The following NDUFAF2 variants were observed in gnomAD, a reference collection of about 807,000 sequenced individuals.
The protein encoded by NDUFAF2 is NADH dehydrogenase [ubiquinone] 1 alpha subcomplex assembly factor 2.
NDUFAF2 carries 13 observed loss-of-function variants against 22.8 expected under a neutral mutation model. The observed-to-expected ratio is 0.57, with a 90% CI of 0.37 to 0.91. The LOEUF (loss-of-function observed/expected upper bound fraction) is 0.91, where lower values mean the gene tolerates loss of function less well. Ranked by LOEUF, NDUFAF2 falls within the 40% of genes least tolerant of loss-of-function variation. The pLI, the probability that NDUFAF2 is intolerant of heterozygous loss-of-function variation, is 0.01. For synonymous variants in NDUFAF2, 53 were observed against 64.2 expected, an observed-to-expected ratio of 0.83 and a Z score of 0.84; for missense variants, 162 against 195.2, an observed-to-expected ratio of 0.83 and a Z score of 1.01.
At chr5:61,019,561 A>G (rs978778861) in intron 1 of NDUFAF2, among the ~76,000 whole-genome samples, 3 of 152,134 alleles carry the variant, frequency 2.0e-5, no homozygotes, top group Non-Finnish European at 2.9e-5. Context: ...AAAATTTTAA[A>G]GTTTCTTAGA....
At chr5:60,970,841 T>C (rs1750817394) in intron 1 of NDUFAF2, among the ~76,000 whole-genome samples, 1 of 152,148 alleles carries the variant, frequency 6.6e-6, no homozygotes, top group African/African-American at 2.4e-5. Flanking sequence ...ATATGTAGGC[T>C]GTTAAACTCT....
intron 1 of NDUFAF2, among the ~76,000 whole-genome samples, chr5:61,028,835 T>C (rs532143350): frequency 1.3e-5 from 2 of 152,248 alleles, no homozygotes; most frequent in South Asian, 4.1e-4. Context: ...AGTGTCTTTT[T>C]CCCCACAGCT....
chr5:61,072,138 T>G (rs1752307506), intron 1 of NDUFAF2, among the ~76,000 whole-genome samples: 2 of 152,224 alleles, frequency 1.3e-5, no homozygotes, highest in African/African-American at 4.8e-5. Flanking sequence ...TTTGAAATTA[T>G]GATAAAAGAT....
intron 1 of NDUFAF2, among the ~76,000 whole-genome samples, chr5:61,020,085 G>A (rs1751559673): frequency 6.6e-6 from 1 of 151,968 alleles, no homozygotes; most frequent in African/African-American, 2.4e-5. Context: ...AAGTTTTCAA[G>A]TTTATTTGTA....
Position 61,018,924 on chromosome 5 carries a change from A to G in NDUFAF2, c.128-54201A>G, listed in dbSNP as rs144043092. On this transcript the variant is annotated intron_variant, in intron 1 of 3. Coordinates refer to ENST00000296597, the MANE Select transcript of NDUFAF2 (RefSeq NM_174889.5). Reference sequence around the variant, plus strand: ...GAAAAACTTTTTAGTTCCTAAGAAAATTGTTTCCAAATAAAATATCAATAT... The same window carrying G: ...GAAAAACTTTTTAGTTCCTAAGAAAGTTGTTTCCAAATAAAATATCAATAT... Among the ~76,000 whole-genome samples the G allele has an allele frequency of 1.4e-4, 22 of 152,204 alleles. No individual in the cohort carries two copies. The East Asian group carries it at 4.2e-3, about 29-fold the overall frequency.
intron 1 of NDUFAF2, among the ~76,000 whole-genome samples, chr5:61,020,613 C>T (rs1176880253): frequency 2.6e-5 from 4 of 151,840 alleles, no homozygotes; most frequent in Non-Finnish European, 4.4e-5. Flanking sequence ...GATGAGGTCT[C>T]GCTGTGTTGC....
chr5:61,078,419 A>G (rs767992191), intron 2 of NDUFAF2, among the ~76,000 whole-genome samples: 3 of 152,198 alleles, frequency 2.0e-5, no homozygotes, highest in Non-Finnish European at 4.4e-5. Context: ...GACATGGAAC[A>G]GTAGACCAGA....
rs111612077 is a variant in NDUFAF2, at chr5:61,035,578, T to G, written c.128-37547T>G. On this transcript the variant is annotated intron_variant, in intron 1 of 3. Transcript: ENST00000296597. ...AACACCATTTTTTATACCTTGTTCT[T>G]TAAACCACAGAGCAGTCTCTTCTCT... 2.4e-3 allele frequency among the ~76,000 whole-genome samples: 371 copies of G among 152,042 alleles called. 8 individuals are homozygous for G. The highest frequency in any genetic ancestry group is 8.7e-3 in the African/African-American group (360 of 41,482).
At chr5:60,971,412 G>A (rs1419160870) in intron 1 of NDUFAF2, among the ~76,000 whole-genome samples, 3 of 151,572 alleles carry the variant, frequency 2.0e-5, no homozygotes, top group Non-Finnish European at 2.9e-5. Context: ...TCAGCCTCTC[G>A]AGTAGCTGGG....
chr5:61,040,615 G>A (rs549261515), intron 1 of NDUFAF2, among the ~76,000 whole-genome samples: 20 of 152,002 alleles, frequency 1.3e-4, no homozygotes, highest in East Asian at 9.7e-4. Context: ...AAGTACTTGA[G>A]AGGAGAACTG....
chr5:61,137,482 G>A (rs1454933468), intron 3 of NDUFAF2, among the ~76,000 whole-genome samples: 1 of 152,198 alleles, frequency 6.6e-6, no homozygotes, highest in Non-Finnish European at 1.5e-5. Context: ...TTGTTCTTAT[G>A]TCTGGTTGGA....
rs750442889 is a variant in NDUFAF2 at position 60,964,452 on chromosome 5, C to CT, written c.127+19085dup. 1.9e-3 allele frequency among the ~76,000 whole-genome samples: 266 copies of CT among 139,498 alleles called. 1 individual carries two copies. Among genetic ancestry groups the CT allele is most frequent in the Middle Eastern group, 7.4e-3 (2 of 270 alleles). 91.5% of individuals were successfully genotyped at this position (139,498 alleles called of 152,430 possible). ...CTTAGCACTTACAAAGTGTACAACA[C>CT]TTTTTTTTTTTTTTTGGAGACCGAG... is the stretch of plus-strand genomic sequence containing the variant. On this transcript the variant is annotated intron_variant, in intron 1 of 3. Coordinates refer to ENST00000296597, the MANE Select transcript of NDUFAF2 (RefSeq NM_174889.5).
At chr5:61,103,130 A>G (rs1315240078) in intron 3 of NDUFAF2, among the ~76,000 whole-genome samples, 1 of 152,116 alleles carries the variant, frequency 6.6e-6, no homozygotes, top group Non-Finnish European at 1.5e-5. Flanking sequence ...TTTTAGTCAC[A>G]CTTTCTGGGA....
chr5:61,134,672 T>G (rs1379665823), intron 3 of NDUFAF2, among the ~76,000 whole-genome samples: 1 of 151,882 alleles, frequency 6.6e-6, no homozygotes, highest in East Asian at 1.9e-4. Context: ...GGTGACAGAG[T>G]GAGACTCTGT....
At chr5:61,055,907 G>T (rs190942319) in intron 1 of NDUFAF2, among the ~76,000 whole-genome samples, 131 of 152,178 alleles carry the variant, frequency 8.6e-4, no homozygotes, top group African/African-American at 3.0e-3. Context: ...GAAGATTGTT[G>T]TGAGAATTAA....
At chr5:61,013,288 T>G (rs998503879) in intron 1 of NDUFAF2, among the ~76,000 whole-genome samples, 1 of 152,098 alleles carries the variant, frequency 6.6e-6, no homozygotes, top group African/African-American at 2.4e-5. Flanking sequence ...TAATTAAATT[T>G]TTTTTTCAAC....
At chr5:61,012,375 GT>G (rs1463756231) in intron 1 of NDUFAF2, among the ~76,000 whole-genome samples, 6 of 151,900 alleles carry the variant, frequency 3.9e-5, no homozygotes, top group African/African-American at 1.5e-4. Context: ...GAATTTTGTT[GT>G]TTCTTCCCAA....
At chr5:61,134,055 T>C (rs919064390) in intron 3 of NDUFAF2, among the ~76,000 whole-genome samples, 1 of 152,146 alleles carries the variant, frequency 6.6e-6, no homozygotes, top group African/African-American at 2.4e-5. Flanking sequence ...CAAATATCTA[T>C]TAGTAAGCCA....
Position 60,945,361 on chromosome 5 carries a change from C to T in NDUFAF2, c.106C>T (p.Pro36Ser), listed in dbSNP as rs984636588. 8 of 1,614,168 alleles carry T rather than the reference C, an allele frequency of 5.0e-6. No homozygotes were observed. The highest frequency in any genetic ancestry group is 1.7e-5 in the Admixed American group (1 of 60,018). The stretch of plus-strand genomic sequence containing the variant: ...ATTCGGGAACAAATACTACTACATC[C>T]CGCAGTACAAGAACTGGAGAGGTGA... ...DQFGNKYYYIPQYKNWRGQTI... is the reference protein window; with the variant it reads ...DQFGNKYYYISQYKNWRGQTI... Residue 36 changes from proline to serine, a missense_variant, in exon 1 of 4, where the codon CCG becomes TCG. Physicochemically the swap from Pro to Ser is moderately conservative, Grantham distance 74. Around this residue, in one of 2 missense-constraint regions of NDUFAF2, gnomAD observed 94 missense variants for 85.2 expected, o/e 1.10. Coordinates refer to ENST00000296597, the MANE Select transcript of NDUFAF2 (RefSeq NM_174889.5).
Sources: allele counts gnomAD v4.1 joint callset (sites outside exome capture counted in the v4.1 genomes callset), GRCh38; gene constraint gnomAD v4.1.1; regional missense constraint gnomAD v4.1.1; transcripts MANE v1.5; gene names NCBI Gene and HGNC (gene_info 2026-07-23, HGNC 2026-07-21).